The following SEPTIN11 variants were observed in gnomAD, a reference collection of about 807,000 sequenced individuals.
SEPTIN11 encodes the protein septin 11.
Under a neutral mutation model 51.4 loss-of-function variants are expected in SEPTIN11, and 25 were observed. That is an observed-to-expected ratio of 0.49 (90% CI 0.35 to 0.68). The LOEUF (loss-of-function observed/expected upper bound fraction) is 0.68. SEPTIN11 is among the 30% of genes least tolerant of loss of function. SEPTIN11 has a pLI of 0.00. For missense variants in SEPTIN11, 381 were observed against 520.8 expected (o/e 0.73, Z 2.61); for synonymous variants, 174 against 184.1 (o/e 0.95, Z 0.44).
chr4:77,004,709 T>C (rs1376133589), intron 2 of SEPTIN11, among the ~76,000 whole-genome samples: 1 of 152,198 alleles, frequency 6.6e-6, no homozygotes, highest in East Asian at 1.9e-4. Context: ...ATGCCTGTAA[T>C]CCCAGCACTT....
intron 2 of SEPTIN11, 21 bp downstream of exon 2, chr4:76,996,560 C>CA (rs1277691672): frequency 6.5e-7 from 1 of 1,534,390 alleles, no homozygotes; most frequent in Admixed American, 1.7e-5. Context: ...CATCACCCCA[C>CA]AGCAAGAAAT....
chr4:76,988,325 C>A (rs929663840), intron 1 of SEPTIN11, among the ~76,000 whole-genome samples: 14 of 152,190 alleles, frequency 9.2e-5, no homozygotes, highest in African/African-American at 3.4e-4. Context: ...ACCCTGTACG[C>A]TCCATGAGTT....
At chr4:76,976,526 TG>T (rs1722510705) in intron 1 of SEPTIN11, among the ~76,000 whole-genome samples, 1 of 152,250 alleles carries the variant, frequency 6.6e-6, no homozygotes. Flanking sequence ...ACTCGTTGGT[TG>T]TTCTCCTTTC....
At chr4:77,019,134 A>G in intron 5 of SEPTIN11, 31 bp from the exon 6 acceptor site, 3 of 1,593,942 alleles carry the variant, frequency 1.9e-6, no homozygotes, top group Non-Finnish European at 2.6e-6. Context: ...AGCAGGGGAA[A>G]GTAACTATTC....
chr4:77,018,409 A>G (rs1476763442), intron 5 of SEPTIN11, among the ~76,000 whole-genome samples: 2 of 151,642 alleles, frequency 1.3e-5, no homozygotes, highest in Admixed American at 6.6e-5. Context: ...AGATCGCGCC[A>G]CTGCACTCCA....
At chr4:77,030,715 A>C in intron 8 of SEPTIN11, 68 bp from the exon 9 acceptor site, 1 of 1,456,754 alleles carries the variant, frequency 6.9e-7, no homozygotes, top group South Asian at 1.4e-5. Flanking sequence ...TTTTGAACAG[A>C]TCCAAAGAAC....
chr4:76,980,047 TTTGA>T (rs989748404), intron 1 of SEPTIN11, among the ~76,000 whole-genome samples: 5 of 152,300 alleles, frequency 3.3e-5, no homozygotes, highest in African/African-American at 4.8e-5. Context: ...AAAATTGTTT[TTTGA>T]TTGATTGATC....
intron 2 of SEPTIN11, among the ~76,000 whole-genome samples, chr4:77,001,804 A>C (rs143196186): frequency 2.2e-4 from 34 of 152,296 alleles, no homozygotes; most frequent in African/African-American, 7.9e-4. Flanking sequence ...TTCAGTTAGA[A>C]AGAAATTTTT....
intron 7 of SEPTIN11, 180 bp downstream of exon 7, chr4:77,020,850 TTACC>T: frequency 5.0e-6 from 3 of 603,124 alleles, no homozygotes; most frequent in Non-Finnish European, 8.5e-6. Context: ...CTCAACTAAC[TTACC>T]TAGTTGATGT....
intron 6 of SEPTIN11, among the ~76,000 whole-genome samples, chr4:77,020,092 A>G (rs1260878687): frequency 2.0e-5 from 3 of 152,236 alleles, no homozygotes; most frequent in Non-Finnish European, 2.9e-5. Context: ...GTACAAATAC[A>G]TCTGGCTTTG....
intron 1 of SEPTIN11, among the ~76,000 whole-genome samples, chr4:76,971,084 T>C (rs1178711081): frequency 1.3e-5 from 2 of 152,228 alleles, no homozygotes; most frequent in Admixed American, 6.5e-5. Flanking sequence ...ATGTATATCT[T>C]ACATAAACAT....
chr4:77,015,122 C>T, intron 5 of SEPTIN11, 105 bp downstream of exon 5: 2 of 1,083,712 alleles, frequency 1.8e-6, no homozygotes, highest in Non-Finnish European at 2.6e-6. Context: ...AACCTGATGA[C>T]TTCAGCTGTA....
rs1727092015 is a variant in SEPTIN11 at position 77,037,221 on chromosome 4, G to A, written c.*2709G>A. The A allele has an allele frequency of 2.3e-5, 13 of 574,102 alleles. No individual in the cohort carries two copies. Among genetic ancestry groups the A allele is most frequent in the Non-Finnish European group, 2.9e-5 (13 of 454,506 alleles). 35.6% of individuals were successfully genotyped at this position (574,102 alleles called of 1,614,324 possible). ...TACAAAAAATACAAAAATTAGCCAG[G>A]CGTGGTGGCACGTGCCTGTAGTCCC... On this transcript the variant is annotated 3_prime_UTR_variant, in exon 10 of 10. Transcript: ENST00000264893.
At chr4:76,976,680 T>A (rs903188670) in intron 1 of SEPTIN11, among the ~76,000 whole-genome samples, 2 of 152,270 alleles carry the variant, frequency 1.3e-5, no homozygotes, top group African/African-American at 4.8e-5. Flanking sequence ...TTTAGACTTT[T>A]GTTTTGATGA....
chr4:76,963,870 T>C (rs902597440), intron 1 of SEPTIN11, among the ~76,000 whole-genome samples: 1 of 152,182 alleles, frequency 6.6e-6, no homozygotes, highest in African/African-American at 2.4e-5. Flanking sequence ...TTGTTACATA[T>C]GTATACATGT....
rs1725289673 is a variant in SEPTIN11 at position 77,016,633 on chromosome 4, C to CATATATACACATATATATATAT, written c.687+1623_687+1624insCACATATATATATATATATATA. 1.5e-4 allele frequency among the ~76,000 whole-genome samples: 11 copies of CATATATACACATATATATATAT among 72,746 alleles called. No individual in the cohort carries two copies. In the Admixed American group the frequency reaches 1.7e-3, roughly 11 times the overall value. 47.7% of individuals were successfully genotyped at this position (72,746 alleles called of 152,430 possible). A position where few individuals can be genotyped will look rare whatever the true frequency, so the allele number is the denominator to read the frequency against. ...ATATACACATATATATATATATACA[C>CATATATACACATATATATATAT]ATATATATATATATATATATATACA... On this transcript the variant is annotated intron_variant, in intron 5 of 9. Coordinates refer to ENST00000264893, the MANE Select transcript of SEPTIN11 (RefSeq NM_018243.4).
chr4:77,027,263 G>A (rs1156482002), intron 7 of SEPTIN11, among the ~76,000 whole-genome samples: 3 of 152,030 alleles, frequency 2.0e-5, no homozygotes, highest in Non-Finnish European at 4.4e-5. Flanking sequence ...AGCCTCCCAA[G>A]TAGCTGGGAT....
At chr4:77,033,825 T>A (rs370812524) in intron 9 of SEPTIN11, among the ~76,000 whole-genome samples, 3 of 152,220 alleles carry the variant, frequency 2.0e-5, no homozygotes, top group Admixed American at 2.0e-4. Flanking sequence ...AAAAAAATCA[T>A]TTTGATTCTT....
intron 1 of SEPTIN11, among the ~76,000 whole-genome samples, chr4:76,958,299 G>C (rs1173307736): frequency 6.6e-6 from 1 of 152,214 alleles, no homozygotes; most frequent in Non-Finnish European, 1.5e-5. Context: ...TGCCATCCCA[G>C]GGGGCAACCC....
Sources: allele counts gnomAD v4.1 joint callset (sites outside exome capture counted in the v4.1 genomes callset), GRCh38; gene constraint gnomAD v4.1.1; transcripts MANE v1.5; gene names NCBI Gene and HGNC (gene_info 2026-07-23, HGNC 2026-07-21).